SCN3A: variants seen among roughly 807,000 people sequenced by gnomAD.
The protein encoded by SCN3A is sodium channel protein type 3 subunit alpha.
SCN3A carries 60 observed loss-of-function variants against 187.6 expected under a neutral mutation model. The observed-to-expected ratio is 0.32, with a 90% confidence interval of 0.26 to 0.40. The LOEUF (loss-of-function observed/expected upper bound fraction) is 0.40. SCN3A is among the 10% of genes least tolerant of loss of function. The pLI, the probability that SCN3A is intolerant of heterozygous loss-of-function variation, is 1.00. For missense variants in SCN3A, 1,601 were observed against 2,428.2 expected (o/e 0.66, Z 7.16); for synonymous variants, 788 against 829.2 (o/e 0.95, Z 0.85).
chr2:165,161,220 T>G lies in SCN3A; in HGVS notation c.1031+1088A>C, dbSNP rs1463585120. ...TAGGCTGGTACATACAATAAATTCT[T>G]ACAATTGTCCATGTGATAGTTCAAA... is the stretch of plus-strand genomic sequence containing the variant. On this transcript the variant is annotated intron_variant, in intron 9 of 27. Coordinates refer to ENST00000283254, the MANE Select transcript of SCN3A (RefSeq NM_006922.4). Among the ~76,000 whole-genome samples, 3 of 149,488 alleles carry G rather than the reference T, an allele frequency of 2.0e-5. No individual in the cohort carries two copies. In the South Asian group the frequency reaches 6.4e-4, roughly 32 times the overall value.
rs1346796271 is a variant in SCN3A at position 165,136,509 on chromosome 2, A to T, written c.2391+1370T>A. Among the ~76,000 whole-genome samples the T allele has an allele frequency of 1.1e-4, 16 of 152,310 alleles. No individual in the cohort carries two copies. The South Asian group carries it at 3.3e-3, about 32-fold the overall frequency. On this transcript the variant is annotated intron_variant, in intron 15 of 27. Transcript: ENST00000283254. ...CTGCACGAAGGGTATTATTACACTC[A>T]TTTCAATAATAGAAAACAAAGATTC... is the stretch of plus-strand genomic sequence containing the variant.
At chr2:165,095,488 G>A in intron 25 of SCN3A, 23 bp downstream of exon 25, 1 of 1,608,354 alleles carries the variant, frequency 6.2e-7, no homozygotes, top group Non-Finnish European at 8.5e-7. Context: ...AATGAAGAAA[G>A]GTAAAAGCTA....
chr2:165,099,443 G>A (rs1056304673), intron 22 of SCN3A, among the ~76,000 whole-genome samples: 2 of 152,194 alleles, frequency 1.3e-5, no homozygotes, highest in South Asian at 4.1e-4. Context: ...TCTGGGCTGG[G>A]CGCAGTGGTT....
At chr2:165,179,279 A>G (rs539783690) in intron 2 of SCN3A, among the ~76,000 whole-genome samples, 3 of 152,302 alleles carry the variant, frequency 2.0e-5, no homozygotes, top group Non-Finnish European at 4.4e-5. Context: ...GTATCATCTA[A>G]CCTGTCTCAG....
rs559247267 is a variant in SCN3A, at chr2:165,163,162, TTACTC to T, written c.695-339_695-335del. Among the ~76,000 whole-genome samples, 11 of 152,270 alleles carry T rather than the reference TTACTC, an allele frequency of 7.2e-5. No individual in the cohort carries two copies. The East Asian group carries it at 1.2e-3, about 16-fold the overall frequency. On this transcript the variant is annotated intron_variant, in intron 7 of 27. Transcript: ENST00000283254. Reference sequence around the variant, plus strand: ...CAGCCATTTTCCACCAATCCATTCTTTACTCTAGCCTCCAAGCAGTAGTAATTTAG... The same window carrying T: ...CAGCCATTTTCCACCAATCCATTCTTTAGCCTCCAAGCAGTAGTAATTTAG...
chr2:165,172,374 G>C (rs575153292), intron 3 of SCN3A, among the ~76,000 whole-genome samples: 1 of 152,210 alleles, frequency 6.6e-6, no homozygotes, highest in South Asian at 2.1e-4. Flanking sequence ...TTTATGAAGC[G>C]GGCAAGCAAA....
At chr2:165,145,945 A>T (rs1324613822) in intron 12 of SCN3A, among the ~76,000 whole-genome samples, 1 of 152,170 alleles carries the variant, frequency 6.6e-6, no homozygotes, top group African/African-American at 2.4e-5. Context: ...TATGTAAACA[A>T]TACATTAACT....
At chr2:165,154,100 A>T (rs1423593736) in intron 11 of SCN3A, among the ~76,000 whole-genome samples, 1 of 151,388 alleles carries the variant, frequency 6.6e-6, no homozygotes, top group Admixed American at 6.6e-5. Context: ...CAAAATCTCA[A>T]ATGTCATAAT....
At chr2:165,091,478 C>T (rs1685103850) in intron 27 of SCN3A, 133 bp from the exon 28 acceptor site, 3 of 1,099,216 alleles carry the variant, frequency 2.7e-6, no homozygotes, top group Non-Finnish European at 4.0e-6. Context: ...GGATCCACTC[C>T]CTGACATTAG....
intron 9 of SCN3A, among the ~76,000 whole-genome samples, chr2:165,156,500 G>A (rs1300984561): frequency 1.1e-4 from 12 of 107,046 alleles, no homozygotes; most frequent in Admixed American, 2.5e-4. Flanking sequence ...GTGACAGAGC[G>A]AGACTCTGAC....
chr2:165,163,661 T>C lies in SCN3A; in HGVS notation c.651A>G (p.Thr217=), dbSNP rs1428885849. Residue 217 remains threonine (T), a synonymous_variant, in exon 7 of 28, where the codon ACA becomes ACG. Coordinates refer to ENST00000283254, the MANE Select transcript of SCN3A (RefSeq NM_006922.4). Reference sequence around the variant, plus strand: ...TTTTCAGTGCTCGGAGAACTCTGAATGTTCTCAACGCTGAGACATTGCCCA... The same window carrying C: ...TTTTCAGTGCTCGGAGAACTCTGAACGTTCTCAACGCTGAGACATTGCCCA... ...VDLGNVSALR[T]FRVLRALKTI... 1.6e-5 allele frequency: 26 copies of C among 1,613,986 alleles called. No individual in the cohort carries two copies. The highest frequency in any genetic ancestry group is 2.1e-5 in the Non-Finnish European group (25 of 1,179,996).
At chr2:165,135,367 CA>C (rs1253884806) in intron 15 of SCN3A, among the ~76,000 whole-genome samples, 1 of 151,994 alleles carries the variant, frequency 6.6e-6, no homozygotes, top group African/African-American at 2.4e-5. Context: ...AAACAGAATG[CA>C]AAATGGGGCA....
chr2:165,163,518 G>T, intron 7 of SCN3A, 100 bp downstream of exon 7: 1 of 1,337,784 alleles, frequency 7.5e-7, no homozygotes, highest in South Asian at 1.2e-5. Flanking sequence ...TTAACGGGAT[G>T]AACTGTAATA....
rs1687795829 is a variant in SCN3A, at chr2:165,138,344, T to G, written c.2153-227A>C. 2.6e-5 allele frequency among the ~76,000 whole-genome samples: 4 copies of G among 152,196 alleles called. 1 individual carries two copies. The South Asian group carries it at 8.3e-4, about 31-fold the overall frequency. On this transcript the variant is annotated intron_variant, in intron 14 of 27. Coordinates refer to ENST00000283254, the MANE Select transcript of SCN3A (RefSeq NM_006922.4). The stretch of plus-strand genomic sequence containing the variant: ...CTTTTGAATACAGAAAATAAGCACT[T>G]TGAATTTAATATTTTGCTTTTAAAA...
chr2:165,179,544 T>A (rs1161087263), intron 2 of SCN3A: 3 of 152,208 alleles, frequency 2.0e-5, no homozygotes, highest in Non-Finnish European at 4.4e-5. Context: ...AAATAAATAG[T>A]CCTTTACCTT....
At chr2:165,203,549 T>C (rs1345899208) in intron 1 of SCN3A, among the ~76,000 whole-genome samples, 1 of 152,060 alleles carries the variant, frequency 6.6e-6, no homozygotes, top group African/African-American at 2.4e-5. Context: ...AAATATTTTT[T>C]CTGAATACAA....
intron 11 of SCN3A, among the ~76,000 whole-genome samples, chr2:165,152,700 G>A (rs1282903164): frequency 1.3e-5 from 2 of 152,078 alleles, no homozygotes; most frequent in Non-Finnish European, 2.9e-5. Flanking sequence ...CAGTGTAAAA[G>A]TGTTCTTATT....
intron 17 of SCN3A, among the ~76,000 whole-genome samples, chr2:165,128,468 A>C (rs1273096218): frequency 6.6e-6 from 1 of 152,078 alleles, no homozygotes; most frequent in Non-Finnish European, 1.5e-5. Context: ...TTTCTTCTTA[A>C]TCATTTTATC....
At position 165,115,481 on chromosome 2, in the gene SCN3A, A is replaced by C; in HGVS notation, c.3488T>G (p.Leu1163Arg). 6.2e-7 allele frequency: 1 copy of C among 1,613,846 alleles called. No individual in the cohort carries two copies. The highest frequency in any genetic ancestry group is 8.5e-7 in the Non-Finnish European group (1 of 1,179,934). ...TTCAGTAAAACAAGCTTCCGGTTTA[A>C]GGTCTTCTTCGGGTTCAGTTTCAGC... ...EQAETEPEEDLKPEACFTEGC... is the reference protein window; with the variant it reads ...EQAETEPEEDRKPEACFTEGC... The change falls in exon 19 of 28, where the codon CTT becomes CGT. Residue 1163 changes from leucine (L) to arginine (R), a missense_variant. By Grantham distance (102) the Leu-to-Arg change is moderately radical. Transcript: ENST00000283254.
Sources: allele counts gnomAD v4.1 joint callset (sites outside exome capture counted in the v4.1 genomes callset), GRCh38; gene constraint gnomAD v4.1.1; transcripts MANE v1.5; gene names NCBI Gene and HGNC (gene_info 2026-07-23, HGNC 2026-07-21).